The following SH3TC2 variants were observed in gnomAD, a reference collection of about 807,000 sequenced individuals.
SH3TC2 encodes the protein SH3 domain and tetratricopeptide repeat-containing protein 2.
SH3TC2 carries 87 observed loss-of-function variants against 124.5 expected under a neutral mutation model. The observed-to-expected ratio is 0.70, with a 90% CI of 0.59 to 0.84. The LOEUF (loss-of-function observed/expected upper bound fraction) is 0.84. Ranked by LOEUF, SH3TC2 falls within the 40% of genes least tolerant of loss-of-function variation. The pLI, the probability that SH3TC2 is intolerant of heterozygous loss-of-function variation, is 0.00. For synonymous variants in SH3TC2, 634 were observed against 628.5 expected (o/e 1.01, Z -0.13); for missense variants, 1,536 against 1,566.4 (o/e 0.98, Z 0.33).
chr5:149,012,635 C>CCCCG lies in SH3TC2; in HGVS notation c.3149_3152dup (p.Arg1052GlyfsTer38). On this transcript the variant is annotated frameshift_variant, in exon 13 of 17. Transcript: ENST00000515425. LOFTEE classifies it high-confidence loss of function. Reference sequence around the variant, plus strand: ...CTTCCTGCATGAGGTAGTGGAGTCGCCCCGCCCCAAGCCAGGCCTCAGCAG... The same window carrying CCCCG: ...CTTCCTGCATGAGGTAGTGGAGTCGCCCCGCCCGCCCCAAGCCAGGCCTCAGCAG... 2 of 1,614,182 alleles carry CCCCG rather than the reference C, an allele frequency of 1.2e-6. No homozygotes were observed. Among genetic ancestry groups the CCCCG allele is most frequent in the Non-Finnish European group, 1.7e-6 (2 of 1,180,028 alleles).
chr5:149,041,330 C>A (rs1056231359), intron 6 of SH3TC2, 86 bp downstream of exon 6: 26 of 1,379,690 alleles, frequency 1.9e-5, no homozygotes, highest in Non-Finnish European at 2.6e-5. Context: ...ACTATGGATG[C>A]CCATATCTGA....
intron 2 of SH3TC2, among the ~76,000 whole-genome samples, chr5:149,050,926 T>C (rs902501310): frequency 2.0e-5 from 3 of 152,228 alleles, no homozygotes; most frequent in African/African-American, 7.2e-5. Context: ...GTGTTAACTG[T>C]GTCGTGGTGA....
Position 149,028,421 on chromosome 5 carries a change from G to A in SH3TC2, c.1311C>T (p.Asp437=), listed in dbSNP as rs749587305. 1.1e-5 allele frequency: 18 copies of A among 1,613,588 alleles called. No homozygotes were observed. Among genetic ancestry groups the A allele is most frequent in the Non-Finnish European group, 1.5e-5 (18 of 1,179,816 alleles). The change falls in exon 11 of 17, where the codon GAC becomes GAT. Residue 437 remains aspartate (D), a synonymous_variant. Transcript: ENST00000515425. ...LEEELLSATS[D]SYRLPEPDDL... is the part of the protein sequence containing the mutation. ...CATCAGGCTCCGGCAGGCGATAGCT[G>A]TCTGAGGTGGCCGAGAGGAGCTCCT...
At chr5:149,016,811 G>C (rs2127394371) in intron 12 of SH3TC2, among the ~76,000 whole-genome samples, 1 of 151,786 alleles carries the variant, frequency 6.6e-6, no homozygotes, top group African/African-American at 2.4e-5. Context: ...TGTAGTCCCA[G>C]CTACTTGGGA....
intron 5 of SH3TC2, 103 bp from the exon 6 acceptor site, chr5:149,041,720 T>C (rs1754375689): frequency 7.8e-7 from 1 of 1,288,590 alleles, no homozygotes. Context: ...AGTACTTTTC[T>C]TCCTGGAAGT....
In SH3TC2 at chr5:149,028,269, T is replaced by C. The variant is rs1416723910; in HGVS notation, c.1463A>G (p.Asp488Gly). Residue 488 changes from aspartate to glycine, a missense_variant, in exon 11 of 17, where the codon GAC (aspartate) becomes GGC (glycine). Around this residue, in one of 3 missense-constraint regions of SH3TC2, gnomAD observed 1,102 missense variants for 1,098.6 expected, o/e 1.00. Coordinates refer to ENST00000515425, the MANE Select transcript of SH3TC2 (RefSeq NM_024577.4). ...AGAAGTGAGGAAAGAGAAGGAGAAG[T>C]CATAGAGACTCTTAAAGTGGTCAGC... ...GYADHFKSLYDFSFSFLTSSF... is the reference protein window; with the variant it reads ...GYADHFKSLYGFSFSFLTSSF... 24 of 1,613,924 alleles carry C rather than the reference T, an allele frequency of 1.5e-5. No homozygotes were observed. Among genetic ancestry groups the C allele is most frequent in the Non-Finnish European group, 2.0e-5 (24 of 1,180,028 alleles).
intron 12 of SH3TC2, among the ~76,000 whole-genome samples, chr5:149,022,294 T>C (rs1421851971): frequency 6.6e-6 from 1 of 152,198 alleles, no homozygotes; most frequent in Non-Finnish European, 1.5e-5. Context: ...TGATGCTCAA[T>C]ATCTTTAGTC....
intron 4 of SH3TC2, 114 bp from the exon 5 acceptor site, chr5:149,042,951 C>T (rs1754397919): frequency 2.4e-6 from 3 of 1,241,516 alleles, no homozygotes; most frequent in Non-Finnish European, 2.3e-6. Flanking sequence ...CAAGCCCCAA[C>T]CTGCCATTTA....
rs550679325 is a variant in SH3TC2 at position 148,985,693 on chromosome 5, T to C, written c.*19018A>G. On this transcript the variant is annotated 3_prime_UTR_variant, in exon 17 of 17. Transcript: ENST00000515425. ...ATTTGTGTATAGGCTTTTGTATACA[T>C]AAGTTTTCATTTCTTTGATATAAAT... 1.4e-4 allele frequency among the ~76,000 whole-genome samples: 22 copies of C among 152,344 alleles called. No homozygotes were observed. Among genetic ancestry groups the C allele is most frequent in the Admixed American group, 1.1e-3 (17 of 15,296 alleles).
Position 149,026,764 on chromosome 5 carries a change from G to T in SH3TC2, c.2873-12C>A. ...GGCCTGAAGCTGACCTGAACACAAA[G>T]CAGGGACATGAATGAGATGACTTGA... On this transcript the variant is annotated splice_polypyrimidine_tract_variant and intron_variant, in intron 11 of 16. Coordinates refer to ENST00000515425, the MANE Select transcript of SH3TC2 (RefSeq NM_024577.4). 1 of 1,614,246 alleles carries T rather than the reference G, an allele frequency of 6.2e-7. No individual in the cohort carries two copies. The highest frequency in any genetic ancestry group is 1.3e-5 in the African/African-American group (1 of 75,068).
In SH3TC2 at chr5:149,006,934, A is replaced by G. The variant is rs748864839; in HGVS notation, c.3622T>C (p.Tyr1208His). 1 of 1,614,140 alleles carries G rather than the reference A, an allele frequency of 6.2e-7. No individual in the cohort carries two copies. The highest frequency in any genetic ancestry group is 1.1e-5 in the South Asian group (1 of 91,078). ...AGGCGATAATACACCTTGGCATAGT[A>G]CAGGGCCTCCTTGGGACTCTGCAGC... is the stretch of plus-strand genomic sequence containing the variant. ...PWLQSPKEAL[Y>H]YAKVYYRLGR... The change falls in exon 16 of 17, where the codon TAC becomes CAC. Residue 1208 changes from tyrosine (Y) to histidine (H), a missense_variant. Tyr to His is a moderately conservative substitution (Grantham distance 83, BLOSUM62 2). Coordinates refer to ENST00000515425, the MANE Select transcript of SH3TC2 (RefSeq NM_024577.4).
chr5:149,042,952 C>T, intron 4 of SH3TC2, 115 bp from the exon 5 acceptor site: 2 of 1,234,280 alleles, frequency 1.6e-6, no homozygotes, highest in Non-Finnish European at 1.2e-6. Context: ...AAGCCCCAAC[C>T]TGCCATTTAA....
intron 1 of SH3TC2, among the ~76,000 whole-genome samples, chr5:149,055,267 C>T (rs250678): frequency 0.25 from 37,943 of 151,840 alleles, 5,420 homozygotes; most frequent in African/African-American, 0.37. Flanking sequence ...ATTGATCATA[C>T]GTATGTATAG....
intron 12 of SH3TC2, among the ~76,000 whole-genome samples, chr5:149,020,840 ACAACT>A (rs1444383515): frequency 1.3e-5 from 2 of 152,188 alleles, no homozygotes; most frequent in Non-Finnish European, 2.9e-5. Context: ...GGAGAGATAG[ACAACT>A]CAACAACAAC....
chr5:149,012,126 T>G (rs1753793498), intron 13 of SH3TC2, among the ~76,000 whole-genome samples: 1 of 152,124 alleles, frequency 6.6e-6, no homozygotes, highest in Non-Finnish European at 1.5e-5. Flanking sequence ...AGCCCAGGCT[T>G]TTAACCACTA....
intron 16 of SH3TC2, among the ~76,000 whole-genome samples, chr5:149,005,983 T>G (rs986975054): frequency 6.6e-6 from 1 of 152,020 alleles, no homozygotes; most frequent in African/African-American, 2.4e-5. Context: ...AGTTCTGGGG[T>G]GGGCATAATG....
intron 3 of SH3TC2, chr5:149,045,257 T>A (rs1257576379): frequency 6.6e-6 from 1 of 152,344 alleles, no homozygotes; most frequent in East Asian, 1.9e-4. Flanking sequence ...TATTTTGCAA[T>A]CTTCTTTTGC....
intron 2 of SH3TC2, among the ~76,000 whole-genome samples, chr5:149,051,934 T>C (rs1287882121): frequency 6.6e-6 from 1 of 152,230 alleles, no homozygotes; most frequent in Non-Finnish European, 1.5e-5. Flanking sequence ...TGCCAGATTG[T>C]GAAGAGCTTT....
rs1377622464 is a variant in SH3TC2, at chr5:148,986,075, A to G, written c.*18636T>C. On this transcript the variant is annotated 3_prime_UTR_variant, in exon 17 of 17. Transcript: ENST00000515425. ...AGAACTCATTAGTTCAACTTCTTTAAGTAAGGCTGTTTTGATCCAATTATA... is the reference window on the plus strand; with the variant it reads ...AGAACTCATTAGTTCAACTTCTTTAGGTAAGGCTGTTTTGATCCAATTATA... Among the ~76,000 whole-genome samples the G allele has an allele frequency of 4.6e-5, 7 of 152,202 alleles. No individual in the cohort carries two copies. Among genetic ancestry groups the G allele is most frequent in the Non-Finnish European group, 1.0e-4 (7 of 68,026 alleles).
Sources: gnomAD v4.1 joint callset for allele counts (sites outside exome capture counted in the v4.1 genomes callset) on GRCh38, gnomAD v4.1.1 for gene constraint, gnomAD v4.1.1 regional missense constraint, MANE v1.5 for transcripts, NCBI Gene and HGNC (gene_info 2026-07-23, HGNC 2026-07-21) for gene names.